Variants in CHCHD3 observed in about 807,000 individuals in gnomAD.
The protein encoded by CHCHD3 is MICOS complex subunit MIC19.
CHCHD3 carries 20 observed loss-of-function variants against 38.2 expected under a neutral mutation model. The observed-to-expected ratio is 0.52, with a 90% CI of 0.37 to 0.76. CHCHD3 has a LOEUF of 0.76. Ranked by LOEUF, CHCHD3 falls within the 30% of genes least tolerant of loss-of-function variation. The pLI is 0.00. For synonymous variants in CHCHD3, 82 were observed against 100.0 expected, an observed-to-expected ratio of 0.82 and a Z score of 1.07; for missense variants, 245 against 279.2, an observed-to-expected ratio of 0.88 and a Z score of 0.87.
chr7:132,844,109 G>A (rs1006505191), intron 5 of CHCHD3, among the ~76,000 whole-genome samples: 1 of 152,202 alleles, frequency 6.6e-6, no homozygotes, highest in Non-Finnish European at 1.5e-5. Context: ...AGACCAGCCA[G>A]GATAACGTGG....
At position 132,997,659 on chromosome 7, in the gene CHCHD3, TAAAAAAAA is replaced by T. The variant is rs71178073; in HGVS notation, c.252-22381_252-22374del. ...CTTCTCACTGTAACTAACAGGGTTG[TAAAAAAAA>T]AAAAAAAAAAAAAAAAAAAAACAGC... On this transcript the variant is annotated intron_variant, in intron 3 of 7. Transcript: ENST00000262570. Among the ~76,000 whole-genome samples the T allele has an allele frequency of 1.6e-3, 133 of 81,770 alleles. 1 individual carries two copies. Among genetic ancestry groups the T allele is most frequent in the Middle Eastern group, 7.8e-3 (1 of 128 alleles). 53.6% of individuals were successfully genotyped at this position (81,770 alleles called of 152,430 possible). A position where few individuals can be genotyped will look rare whatever the true frequency, so the allele number is the denominator to read the frequency against.
intron 5 of CHCHD3, among the ~76,000 whole-genome samples, chr7:132,858,502 C>T (rs902123448): frequency 6.6e-6 from 1 of 152,210 alleles, no homozygotes; most frequent in Non-Finnish European, 1.5e-5. Flanking sequence ...AAGCAGATGG[C>T]GTGTGCCAGC....
chr7:132,976,492 G>A (rs938747528), intron 3 of CHCHD3, among the ~76,000 whole-genome samples: 11 of 152,166 alleles, frequency 7.2e-5, no homozygotes, highest in African/African-American at 2.4e-4. Flanking sequence ...CTGGCACATA[G>A]AGGCATTCAG....
chr7:132,964,882 T>G (rs4731922), intron 4 of CHCHD3, among the ~76,000 whole-genome samples: 40,732 of 152,104 alleles, frequency 0.27, 5,760 homozygotes, highest in African/African-American at 0.34. Flanking sequence ...AAATGGTTTC[T>G]ATGGAAATGG....
intron 4 of CHCHD3, among the ~76,000 whole-genome samples, chr7:132,897,851 C>T (rs556855969): frequency 6.8e-6 from 1 of 146,990 alleles, no homozygotes; most frequent in African/African-American, 2.7e-5. Context: ...CTTGGTCTCA[C>T]TGACTTCAAG....
intron 2 of CHCHD3, among the ~76,000 whole-genome samples, chr7:133,065,261 C>G (rs1814635597): frequency 6.6e-6 from 1 of 152,160 alleles, no homozygotes. Flanking sequence ...TTTGCCCAAA[C>G]AGCTTTACAT....
At chr7:133,025,204 G>C (rs1238716442) in intron 2 of CHCHD3, among the ~76,000 whole-genome samples, 1 of 152,226 alleles carries the variant, frequency 6.6e-6, no homozygotes, top group Non-Finnish European at 1.5e-5. Flanking sequence ...GAGAGAGACA[G>C]AGAAGAGTGC....
At chr7:132,809,031 C>T (rs147564167) in intron 6 of CHCHD3, among the ~76,000 whole-genome samples, 71 of 152,144 alleles carry the variant, frequency 4.7e-4, no homozygotes, top group African/African-American at 1.7e-3. Flanking sequence ...TTCACTGTAG[C>T]TTTGACCTCC....
In CHCHD3 at chr7:133,035,214, C is replaced by A. The variant is rs1004066417; in HGVS notation, c.170-10587G>T. The A allele has an allele frequency of 1.2e-6, 2 of 1,613,620 alleles. No homozygotes were observed. Among genetic ancestry groups the A allele is most frequent in the African/African-American group, 2.7e-5 (2 of 74,904 alleles). ...GGGCTTCTGCTTCTCTTCCCGTGAA[C>A]CCTTCTCTTTCCGTGGTGTGTCCTT... is the stretch of plus-strand genomic sequence containing the variant. On this transcript the variant is annotated intron_variant, in intron 2 of 7. Coordinates refer to ENST00000262570, the MANE Select transcript of CHCHD3 (RefSeq NM_017812.4). The surrounding 1 kb of genome is among the most constrained non-coding windows in gnomAD (Gnocchi z 4.7).
At chr7:132,859,274 GA>G (rs1808422984) in intron 5 of CHCHD3, among the ~76,000 whole-genome samples, 1 of 152,190 alleles carries the variant, frequency 6.6e-6, no homozygotes, top group Admixed American at 6.5e-5. Context: ...GTGTAAGGGG[GA>G]TGAGATTTAA....
intron 3 of CHCHD3, among the ~76,000 whole-genome samples, chr7:132,986,424 G>A (rs11971854): frequency 3.2e-4 from 42 of 131,142 alleles, no homozygotes; most frequent in South Asian, 7.4e-4. Flanking sequence ...AAAGAAAAAA[G>A]AAAAAAAAAA....
At chr7:132,794,220 T>A (rs1383073393) in intron 7 of CHCHD3, among the ~76,000 whole-genome samples, 1 of 152,208 alleles carries the variant, frequency 6.6e-6, no homozygotes, top group African/African-American at 2.4e-5. Flanking sequence ...TATTTCTGCA[T>A]TAGTGGATGA....
chr7:132,891,188 A>G (rs1809351263), intron 4 of CHCHD3, among the ~76,000 whole-genome samples: 1 of 152,220 alleles, frequency 6.6e-6, no homozygotes, highest in Non-Finnish European at 1.5e-5. Context: ...GAAATTACAT[A>G]GGGTTCAATG....
intron 3 of CHCHD3, among the ~76,000 whole-genome samples, chr7:133,014,782 G>A (rs1812981906): frequency 6.6e-6 from 1 of 151,724 alleles, no homozygotes; most frequent in South Asian, 2.1e-4. Context: ...CTAACTCCAA[G>A]AAAGAAGTTA....
At chr7:133,011,918 T>G (rs950552109) in intron 3 of CHCHD3, among the ~76,000 whole-genome samples, 6 of 152,178 alleles carry the variant, frequency 3.9e-5, no homozygotes, top group African/African-American at 1.4e-4. Flanking sequence ...TGCCTGACAT[T>G]TATTGAATGG....
chr7:132,936,073 A>G (rs1810625909), intron 4 of CHCHD3, among the ~76,000 whole-genome samples: 1 of 152,142 alleles, frequency 6.6e-6, no homozygotes, highest in Admixed American at 6.6e-5. Context: ...TTAAATTTTG[A>G]TGTGAGTTTT....
At chr7:132,917,840 CAG>C (rs1281175680) in intron 4 of CHCHD3, among the ~76,000 whole-genome samples, 5 of 104,896 alleles carry the variant, frequency 4.8e-5, no homozygotes, top group African/African-American at 2.0e-4. Flanking sequence ...GCCTGGGTGA[CAG>C]AGTGAGACTC....
intron 3 of CHCHD3, among the ~76,000 whole-genome samples, chr7:133,020,038 G>A (rs547447395): frequency 1.2e-4 from 19 of 152,066 alleles, no homozygotes; most frequent in Non-Finnish European, 2.5e-4. Context: ...GGTACGCTGA[G>A]CAACTATTCT....
At chr7:132,981,304 C>A (rs1232664205) in intron 3 of CHCHD3, among the ~76,000 whole-genome samples, 1 of 152,122 alleles carries the variant, frequency 6.6e-6, no homozygotes, top group Non-Finnish European at 1.5e-5. Flanking sequence ...AGTCACCACA[C>A]CAGCTACTAT....
Sources: allele counts gnomAD v4.1 joint callset (sites outside exome capture counted in the v4.1 genomes callset), GRCh38; gene constraint gnomAD v4.1.1; non-coding constraint Gnocchi (gnomAD v3.1); transcripts MANE v1.5; gene names NCBI Gene and HGNC (gene_info 2026-07-23, HGNC 2026-07-21).